CRHBP: variants seen among roughly 807,000 people sequenced by gnomAD.
The protein encoded by CRHBP is corticotropin-releasing hormone-binding protein.
In CRHBP, 19 loss-of-function variants were observed where a neutral mutation model predicts 34.9. The observed-to-expected ratio is 0.55, with a 90% CI of 0.38 to 0.80. CRHBP has a LOEUF of 0.80. Among genes scored for constraint, CRHBP ranks in the 30% least tolerant of loss-of-function variants. CRHBP has a pLI of 0.00. For missense variants in CRHBP, 328 were observed against 409.2 expected, an observed-to-expected ratio of 0.80 and a Z score of 1.71; for synonymous variants, 154 against 153.4, an observed-to-expected ratio of 1.00 and a Z score of -0.03.
At chr5:76,953,760 G>A (rs1561263784) in intron 2 of CRHBP, 66 bp downstream of exon 2, 3 of 1,469,708 alleles carry the variant, frequency 2.0e-6, no homozygotes, top group Non-Finnish European at 2.8e-6. Context: ...TGTGCGGGGG[G>A]CAGAGGGCTC....
intron 6 of CRHBP, 27 bp downstream of exon 6, chr5:76,963,487 A>G: frequency 6.4e-7 from 1 of 1,558,150 alleles, no homozygotes. Flanking sequence ...ATTGTTATGT[A>G]TGTGCCTATC....
chr5:76,961,542 TG>T (rs1246286210), intron 5 of CRHBP, among the ~76,000 whole-genome samples: 1 of 152,204 alleles, frequency 6.6e-6, no homozygotes, highest in African/African-American at 2.4e-5. Context: ...CTGTATACAG[TG>T]GGGCTAATTA....
chr5:76,980,115 C>T (rs555982808), intron 3 of CRHBP, among the ~76,000 whole-genome samples: 2 of 151,560 alleles, frequency 1.3e-5, no homozygotes, highest in South Asian at 2.1e-4. Flanking sequence ...ATTAGCCGGG[C>T]GTGGTGGCGG....
At chr5:76,953,889 A>G in intron 2 of CRHBP, 140 bp from the exon 3 acceptor site, 1 of 1,216,250 alleles carries the variant, frequency 8.2e-7, no homozygotes, top group South Asian at 1.6e-5. Context: ...GGGCGCAGGA[A>G]CCCAGCGCAG....
chr5:76,973,766 A>C (rs181016578), downstream of CRHBP, among the ~76,000 whole-genome samples: 11 of 151,920 alleles, frequency 7.2e-5, no homozygotes, highest in East Asian at 2.1e-3. Flanking sequence ...TGTGACACAG[A>C]TTTTTCCAGA....
chr5:76,967,260 GAAAAGA>G (rs1030293962), intron 6 of CRHBP, among the ~76,000 whole-genome samples: 3 of 151,914 alleles, frequency 2.0e-5, no homozygotes, highest in African/African-American at 7.3e-5. Flanking sequence ...GAAAGGAAAG[GAAAAGA>G]AAAAGAAATT....
intron 6 of CRHBP, among the ~76,000 whole-genome samples, chr5:76,964,111 T>A (rs1745823212): frequency 6.6e-6 from 1 of 152,196 alleles, no homozygotes; most frequent in Non-Finnish European, 1.5e-5. Context: ...TTCACTTTTT[T>A]ATGCTCATGT....
At position 76,963,554 on chromosome 5, in the gene CRHBP, C is replaced by T. The variant is rs181051495; in HGVS notation, c.811+94C>T. The T allele has an allele frequency of 6.0e-4, 684 of 1,135,898 alleles. 4 individuals carry two copies. The African/African-American group carries it at 9.9e-3, about 16-fold the overall frequency. 70.4% of individuals were successfully genotyped at this position (1,135,898 alleles called of 1,614,324 possible). On this transcript the variant is annotated intron_variant, in intron 6 of 6. Coordinates refer to ENST00000274368, the MANE Select transcript of CRHBP (RefSeq NM_001882.4). ...ATTTTCTACATTGGAAGGTGAGTTT[C>T]GCCAAAAAAGCCTTCAATTTTTCAC...
In CRHBP at chr5:76,966,401, G is replaced by A. The variant is rs2150708864; in HGVS notation, c.812-2327G>A. 3.3e-5 allele frequency among the ~76,000 whole-genome samples: 5 copies of A among 152,318 alleles called. 1 individual carries two copies. The East Asian group carries it at 7.7e-4, about 24-fold the overall frequency. On this transcript the variant is annotated intron_variant, in intron 6 of 6. Coordinates refer to ENST00000274368, the MANE Select transcript of CRHBP (RefSeq NM_001882.4). Reference sequence around the variant, plus strand: ...AGGTGAATTGGCACCCTATGCAGATGAAGAGATAGCCCATGCTTGTTCCAC... The same window carrying A: ...AGGTGAATTGGCACCCTATGCAGATAAAGAGATAGCCCATGCTTGTTCCAC...
In CRHBP at chr5:76,954,047, G is replaced by A. The variant is rs752583332; in HGVS notation, c.194G>A (p.Ser65Asn). 3 of 1,613,548 alleles carry A rather than the reference G, an allele frequency of 1.9e-6. No individual in the cohort carries two copies. Among genetic ancestry groups the A allele is most frequent in the Middle Eastern group, 3.3e-4 (2 of 6,082 alleles). ...CCCCCAGGGTGCCTGGACATGCTGA[G>A]CCTCCAGGGCCAGTTCACCTTCACC... is the stretch of plus-strand genomic sequence containing the variant. ...RRALRCLDML[S>N]LQGQFTFTAD... The change falls in exon 3 of 7, where the codon AGC becomes AAC. Residue 65 changes from serine to asparagine, a missense_variant. Physicochemically the swap from Ser to Asn is conservative, Grantham distance 46 (BLOSUM62 1). Around this residue, in one of 3 missense-constraint regions of CRHBP, gnomAD observed 173 missense variants for 172.2 expected, o/e 1.00. Transcript: ENST00000274368.
intron 5 of CRHBP, among the ~76,000 whole-genome samples, chr5:76,960,796 GCT>G (rs749696691): frequency 6.6e-6 from 1 of 150,576 alleles, no homozygotes; most frequent in Non-Finnish European, 1.5e-5. Flanking sequence ...ATGGAGTCTC[GCT>G]CTGTCGCCCA....
At chr5:76,971,443 C>T (rs947381949), downstream of CRHBP, among the ~76,000 whole-genome samples, 1 of 152,158 alleles carries the variant, frequency 6.6e-6, no homozygotes, top group African/African-American at 2.4e-5. Context: ...GTCCTCCGTA[C>T]TCTTATTGGG....
At position 76,954,048 on chromosome 5, in the gene CRHBP, C is replaced by T; in HGVS notation, c.195C>T (p.Ser65=). 1.2e-6 allele frequency: 2 copies of T among 1,613,572 alleles called. No individual in the cohort carries two copies. The highest frequency in any genetic ancestry group is 1.7e-6 in the Non-Finnish European group (2 of 1,179,804). ...CCCCAGGGTGCCTGGACATGCTGAGCCTCCAGGGCCAGTTCACCTTCACCG... is the reference window on the plus strand; with the variant it reads ...CCCCAGGGTGCCTGGACATGCTGAGTCTCCAGGGCCAGTTCACCTTCACCG... ...RRALRCLDML[S]LQGQFTFTAD... is the part of the protein sequence containing the mutation. The change falls in exon 3 of 7, where the codon AGC becomes AGT. Residue 65 remains serine, a synonymous_variant. Transcript: ENST00000274368.
Position 76,968,873 on chromosome 5 carries a change from G to A in CRHBP, c.957G>A (p.Leu319=). The change falls in exon 7 of 7, where the codon TTG becomes TTA. Residue 319 remains leucine, a synonymous_variant. Coordinates refer to ENST00000274368, the MANE Select transcript of CRHBP (RefSeq NM_001882.4). ...GAAACAGTATCGGGGAATTCTGTTT[G>A]TCTGGTCTTTGAATAACCAACCCAG... ...PNGNSIGEFC[L]SGL is the part of the protein sequence containing the mutation. 1 of 1,613,482 alleles carries A rather than the reference G, an allele frequency of 6.2e-7. No homozygotes were observed. The highest frequency in any genetic ancestry group is 8.5e-7 in the Non-Finnish European group (1 of 1,179,708).
intron 3 of CRHBP, among the ~76,000 whole-genome samples, chr5:76,978,531 C>G (rs1746073226): frequency 7.7e-6 from 1 of 129,716 alleles, no homozygotes; most frequent in African/African-American, 3.5e-5. Flanking sequence ...TTGAGACTTA[C>G]TGCTGAGAAA....
At chr5:76,977,857 G>A (rs961903560) in intron 3 of CRHBP, among the ~76,000 whole-genome samples, 2 of 152,196 alleles carry the variant, frequency 1.3e-5, no homozygotes, top group Non-Finnish European at 2.9e-5. Flanking sequence ...AGTTAGCCAA[G>A]TTGTGAACGC....
chr5:76,974,766 T>C (rs1745999315), intron 2 of CRHBP, among the ~76,000 whole-genome samples: 1 of 152,226 alleles, frequency 6.6e-6, no homozygotes, highest in Non-Finnish European at 1.5e-5. Context: ...TTTTTCTCTT[T>C]GCATTTTAAA....
chr5:76,971,360 T>C (rs910294309), downstream of CRHBP, among the ~76,000 whole-genome samples: 3 of 152,234 alleles, frequency 2.0e-5, no homozygotes, highest in Non-Finnish European at 4.4e-5. Flanking sequence ...TATTTAAAGC[T>C]CAAGACCTGT....
chr5:76,967,642 AAC>A (rs2150709281), intron 6 of CRHBP, among the ~76,000 whole-genome samples: 1 of 152,320 alleles, frequency 6.6e-6, no homozygotes, highest in South Asian at 2.1e-4. Flanking sequence ...TTCAATATAT[AAC>A]CCATACAGAG....
Sources: gnomAD v4.1 joint callset for allele counts (sites outside exome capture counted in the v4.1 genomes callset) on GRCh38, gnomAD v4.1.1 for gene constraint, gnomAD v4.1.1 regional missense constraint, MANE v1.5 for transcripts, NCBI Gene and HGNC (gene_info 2026-07-23, HGNC 2026-07-21) for gene names.